Variants in SPOCK3 observed in about 807,000 individuals in gnomAD.
SPOCK3 encodes the protein testican-3.
In SPOCK3, 30 loss-of-function variants were observed where a neutral mutation model predicts 56.6. That is an observed-to-expected ratio of 0.53 (90% CI 0.40 to 0.72). The LOEUF (loss-of-function observed/expected upper bound fraction) is 0.72, where lower values mean the gene tolerates loss of function less well. Among genes scored for constraint, SPOCK3 ranks in the 30% least tolerant of loss-of-function variants. The pLI, the probability that SPOCK3 is intolerant of heterozygous loss-of-function variation, is 0.00. For missense variants in SPOCK3, 527 were observed against 530.0 expected (o/e 0.99, Z 0.06); for synonymous variants, 196 against 183.3 (o/e 1.07, Z -0.56).
chr4:167,210,456 C>T (rs923209330), intron 2 of SPOCK3, among the ~76,000 whole-genome samples: 4 of 152,014 alleles, frequency 2.6e-5, no homozygotes, highest in African/African-American at 7.2e-5. Flanking sequence ...GGAGATGGTA[C>T]GTCTTGGGTA....
chr4:167,034,041 C>T (rs999299701), intron 3 of SPOCK3, among the ~76,000 whole-genome samples: 1 of 151,882 alleles, frequency 6.6e-6, no homozygotes, highest in African/African-American at 2.4e-5. Flanking sequence ...ACAGAAATAG[C>T]CACTATCTTC....
intron 5 of SPOCK3, among the ~76,000 whole-genome samples, chr4:166,894,143 A>G (rs1487085411): frequency 6.6e-6 from 1 of 152,140 alleles, no homozygotes; most frequent in Admixed American, 6.6e-5. Flanking sequence ...AACACTCTAC[A>G]TTTCATCACG....
At chr4:166,874,790 G>A (rs1579502719) in intron 6 of SPOCK3, among the ~76,000 whole-genome samples, 1 of 152,006 alleles carries the variant, frequency 6.6e-6, no homozygotes, top group Non-Finnish European at 1.5e-5. Flanking sequence ...CAGAAATTAG[G>A]GCAGATGCAA....
At chr4:166,923,145 G>A (rs2149980829) in intron 4 of SPOCK3, among the ~76,000 whole-genome samples, 1 of 152,296 alleles carries the variant, frequency 6.6e-6, no homozygotes, top group African/African-American at 2.4e-5. Context: ...GGTAGCTATT[G>A]ACATTTCTTG....
intron 2 of SPOCK3, among the ~76,000 whole-genome samples, chr4:167,152,035 A>G (rs1360375017): frequency 6.6e-6 from 1 of 152,204 alleles, no homozygotes. Context: ...TTTTACTTAA[A>G]ATTTAAAATA....
intron 3 of SPOCK3, among the ~76,000 whole-genome samples, 194 bp from the exon 4 acceptor site, chr4:167,000,657 T>C (rs2150128064): frequency 6.6e-6 from 1 of 152,312 alleles, no homozygotes; most frequent in African/African-American, 2.4e-5. Context: ...AGTTGTCTCA[T>C]CCACTCTATT....
At chr4:166,938,382 G>C (rs1248156038) in intron 4 of SPOCK3, among the ~76,000 whole-genome samples, 1 of 151,992 alleles carries the variant, frequency 6.6e-6, no homozygotes, top group Non-Finnish European at 1.5e-5. Flanking sequence ...TATATTTCTA[G>C]AAAATGAATA....
At chr4:166,976,772 C>T (rs1342099392) in intron 4 of SPOCK3, among the ~76,000 whole-genome samples, 3 of 151,932 alleles carry the variant, frequency 2.0e-5, no homozygotes, top group Non-Finnish European at 2.9e-5. Context: ...ACAACTGATC[C>T]TATTATTTCT....
chr4:166,898,198 T>C (rs1342104839), intron 5 of SPOCK3, among the ~76,000 whole-genome samples: 2 of 151,666 alleles, frequency 1.3e-5, no homozygotes, highest in African/African-American at 2.4e-5. Context: ...ACCCTCTCCC[T>C]AAAAAAGAAA....
In SPOCK3 at chr4:166,922,878, T is replaced by C. The variant is rs1049487721; in HGVS notation, c.351-10135A>G. ...ACCTCTGTGCAATTTGCCCAATCAA[T>C]GCCTGTTTTTCCTTTCGTTAGATCA... On this transcript the variant is annotated intron_variant, in intron 4 of 10. Transcript: ENST00000357545. Among the ~76,000 whole-genome samples, 4 of 152,232 alleles carry C rather than the reference T, an allele frequency of 2.6e-5. No individual in the cohort carries two copies. The East Asian group carries it at 5.8e-4, about 22-fold the overall frequency.
intron 4 of SPOCK3, among the ~76,000 whole-genome samples, chr4:166,994,777 T>A (rs1016526321): frequency 1.3e-5 from 2 of 152,100 alleles, no homozygotes; most frequent in African/African-American, 4.8e-5. Context: ...AGATGTACAA[T>A]CTAAGTAGTT....
chr4:166,772,472 A>G (rs148957488), intron 7 of SPOCK3, among the ~76,000 whole-genome samples: 8 of 152,320 alleles, frequency 5.3e-5, no homozygotes, highest in African/African-American at 1.9e-4. Context: ...ACATAATTAT[A>G]ATAATGGTGA....
chr4:167,085,871 A>G (rs926804909), intron 2 of SPOCK3, among the ~76,000 whole-genome samples: 1 of 152,090 alleles, frequency 6.6e-6, no homozygotes, highest in Admixed American at 6.6e-5. Flanking sequence ...TCATTATGAT[A>G]TAGGTATTTA....
chr4:166,964,749 G>A (rs555854458), intron 4 of SPOCK3, among the ~76,000 whole-genome samples: 12 of 151,816 alleles, frequency 7.9e-5, no homozygotes, highest in African/African-American at 2.7e-4. Flanking sequence ...AAAATAAACA[G>A]CTTGAAAAAT....
intron 2 of SPOCK3, among the ~76,000 whole-genome samples, chr4:167,132,051 C>A (rs920439513): frequency 3.9e-5 from 6 of 152,142 alleles, no homozygotes; most frequent in African/African-American, 1.4e-4. Context: ...CAAATACCAA[C>A]ACCAATAAAT....
chr4:166,953,795 T>C (rs1743026674), intron 4 of SPOCK3, among the ~76,000 whole-genome samples: 1 of 151,792 alleles, frequency 6.6e-6, no homozygotes, highest in Non-Finnish European at 1.5e-5. Context: ...GGGACATGGA[T>C]GAAATTGGAA....
chr4:166,772,058 A>T (rs1738998269), intron 7 of SPOCK3, among the ~76,000 whole-genome samples: 2 of 152,084 alleles, frequency 1.3e-5, no homozygotes, highest in African/African-American at 4.8e-5. Flanking sequence ...ACGGAAAATC[A>T]GTATATTTAT....
chr4:167,183,008 A>C (rs1266146759), intron 2 of SPOCK3, among the ~76,000 whole-genome samples: 1 of 150,980 alleles, frequency 6.6e-6, no homozygotes, highest in Non-Finnish European at 1.5e-5. Context: ...CAGTGTGTCC[A>C]TTATGAGCAC....
intron 6 of SPOCK3, among the ~76,000 whole-genome samples, chr4:166,881,939 T>G (rs1249995127): frequency 6.6e-6 from 1 of 152,202 alleles, no homozygotes; most frequent in African/African-American, 2.4e-5. Context: ...TATCGTACAT[T>G]ATATTTAATA....
Sources: allele counts gnomAD v4.1 joint callset (sites outside exome capture counted in the v4.1 genomes callset), GRCh38; gene constraint gnomAD v4.1.1; transcripts MANE v1.5; gene names NCBI Gene and HGNC (gene_info 2026-07-23, HGNC 2026-07-21).